Variants in SP110 observed in about 807,000 individuals in gnomAD.
SP110 encodes the protein interferon-induced protein 41, 30kD.
SP110 carries 62 observed loss-of-function variants against 92.7 expected under a neutral mutation model. That is an observed-to-expected ratio of 0.67 (90% CI 0.55 to 0.83). The LOEUF is 0.83. Among genes scored for constraint, SP110 ranks in the 40% least tolerant of loss-of-function variants. The pLI is 0.00. For missense variants in SP110, 793 were observed against 863.9 expected, an observed-to-expected ratio of 0.92 and a Z score of 1.03; for synonymous variants, 273 against 305.3, an observed-to-expected ratio of 0.89 and a Z score of 1.10.
rs775861638 is a variant in SP110, at chr2:230,200,878, G to A, written c.1129+7C>T. On this transcript the variant is annotated splice_region_variant and intron_variant, in intron 10 of 18. Transcript: ENST00000258381. Reference sequence around the variant, plus strand: ...GTACTCTGAGACCAGCAATCTCCAAGTTTTACCTTGTGTGACCCTTCGTGG... The same window carrying A: ...GTACTCTGAGACCAGCAATCTCCAAATTTTACCTTGTGTGACCCTTCGTGG... 2.2e-5 allele frequency: 35 copies of A among 1,606,366 alleles called. No individual in the cohort carries two copies. In the South Asian group the frequency reaches 3.4e-4, roughly 16 times the overall value.
chr2:230,172,820 G>T, intron 15 of SP110, 24 bp downstream of exon 15: 1 of 1,487,916 alleles, frequency 6.7e-7, no homozygotes, highest in Non-Finnish European at 9.4e-7. Context: ...CTGTGTGCCC[G>T]AGGCGGGGCT....
At chr2:230,176,428 A>G in intron 14 of SP110, 1 of 1,382,452 alleles carries the variant, frequency 7.2e-7, no homozygotes. Context: ...TTTGGTTTAT[A>G]GCCATCCAAA....
At position 230,170,710 on chromosome 2, in the gene SP110, T is replaced by C. The variant is rs752004065; in HGVS notation, c.1939A>G (p.Lys647Glu). 9 of 1,614,112 alleles carry C rather than the reference T, an allele frequency of 5.6e-6. No individual in the cohort carries two copies. The Admixed American group carries it at 1.5e-4, about 27-fold the overall frequency. ...TACATTTCCGTAATCAGCCTTTCCT[T>C]AACCAGGTCCAACCACATTGCTTCC... ...FQEAMWLDLV[K>E]ERLITEMYTV... The change falls in exon 18 of 19, where the codon AAG becomes GAG. Residue 647 changes from lysine (K) to glutamate (E), a missense_variant. Coordinates refer to ENST00000258381, the MANE Select transcript of SP110 (RefSeq NM_080424.4).
chr2:230,187,236 C>T (rs1353878726), intron 10 of SP110, among the ~76,000 whole-genome samples: 1 of 152,116 alleles, frequency 6.6e-6, no homozygotes, highest in African/African-American at 2.4e-5. Context: ...TTTTAATCTT[C>T]ATTTCCCTGA....
At chr2:230,193,501 C>A (rs7592927) in intron 10 of SP110, among the ~76,000 whole-genome samples, 1 of 152,072 alleles carries the variant, frequency 6.6e-6, no homozygotes. Flanking sequence ...ATCAATCTTT[C>A]GTTTCAAGAG....
At chr2:230,196,186 C>T (rs1330913671) in intron 10 of SP110, among the ~76,000 whole-genome samples, 2 of 152,050 alleles carry the variant, frequency 1.3e-5, no homozygotes, top group Non-Finnish European at 2.9e-5. Context: ...TAGATTTTAA[C>T]CAAGTAAGCT....
In SP110 at chr2:230,166,788, G is replaced by T. The variant is rs2106331976; in HGVS notation, c.*2336C>A. 6.6e-6 allele frequency among the ~76,000 whole-genome samples: 1 copy of T among 152,312 alleles called. No homozygotes were observed. The highest frequency in any genetic ancestry group is 2.4e-5 in the African/African-American group (1 of 41,570). ...AGAAGCCTGTGGGGTAGGATGGGAT[G>T]GGATGGGAATTAGAGGTGTATCATA... On this transcript the variant is annotated 3_prime_UTR_variant, in exon 19 of 19. Transcript: ENST00000258381.
chr2:230,197,211 C>T (rs1294350932), intron 10 of SP110, among the ~76,000 whole-genome samples: 8 of 150,726 alleles, frequency 5.3e-5, no homozygotes, highest in Non-Finnish European at 1.0e-4. Context: ...CCTGTTGTTT[C>T]CTGACTTTTT....
At chr2:230,178,060 G>A (rs2041947920) in intron 13 of SP110, 97 bp downstream of exon 13, 2 of 779,464 alleles carry the variant, frequency 2.6e-6, no homozygotes, top group Admixed American at 4.0e-5. Context: ...AGCTAGCAGG[G>A]TCCATTTCCT....
At chr2:230,185,948 T>C (rs200614376) in intron 11 of SP110, 46 bp downstream of exon 11, 5 of 1,561,184 alleles carry the variant, frequency 3.2e-6, no homozygotes, top group Non-Finnish European at 4.4e-6. Flanking sequence ...CAAGAGGCCC[T>C]CCTACATTGA....
In SP110 at chr2:230,173,400, C is replaced by T. The variant is rs566634541; in HGVS notation, c.1591-441G>A. The T allele has an allele frequency of 2.5e-5, 6 of 237,436 alleles. No individual in the cohort carries two copies. In the South Asian group the frequency reaches 2.8e-4, roughly 11 times the overall value. The allele number at this position is 237,436 out of a possible 1,614,324, so 14.7% of individuals were successfully genotyped here. A position where few individuals can be genotyped will look rare whatever the true frequency, so the allele number is the denominator to read the frequency against. ...TTCCTGGTGCCTTGCCTAACTGCCC[C>T]ATGGTCGTAACATAACATGGCCCTA... On this transcript the variant is annotated intron_variant, in intron 14 of 18. Transcript: ENST00000258381.
intron 10 of SP110, among the ~76,000 whole-genome samples, chr2:230,196,773 A>G (rs1244209643): frequency 6.7e-6 from 1 of 149,436 alleles, no homozygotes; most frequent in South Asian, 2.1e-4. Flanking sequence ...ATTCCCACCT[A>G]TGAGTGAGAA....
intron 14 of SP110, among the ~76,000 whole-genome samples, chr2:230,175,986 C>G (rs2041842696): frequency 7.1e-6 from 1 of 141,614 alleles, no homozygotes; most frequent in Non-Finnish European, 1.5e-5. Flanking sequence ...CTCTGTTGCC[C>G]CAGCTGGAGT....
At chr2:230,220,660 C>A (rs897336431), upstream of SP110, among the ~76,000 whole-genome samples, 6 of 152,058 alleles carry the variant, frequency 3.9e-5, no homozygotes, top group African/African-American at 1.4e-4. Flanking sequence ...CCTTCTCATG[C>A]CCCTTTTAAA....
intron 8 of SP110, among the ~76,000 whole-genome samples, chr2:230,206,866 G>T (rs1436096985): frequency 1.3e-5 from 2 of 151,946 alleles, no homozygotes; most frequent in Non-Finnish European, 2.9e-5. Context: ...TCTAGAGGGA[G>T]AATAGAACCT....
chr2:230,192,753 A>G (rs1196369632), intron 10 of SP110, among the ~76,000 whole-genome samples: 2 of 152,178 alleles, frequency 1.3e-5, no homozygotes, highest in Non-Finnish European at 2.9e-5. Context: ...CTATAATTTC[A>G]ATTTATAAAA....
rs2043150761 is a variant in SP110 at position 230,201,180 on chromosome 2, G to A, written c.1049-215C>T. On this transcript the variant is annotated intron_variant, in intron 9 of 18. Transcript: ENST00000258381. ...GAGCAGACCGCAGTTGGTTAGCAGT[G>A]GTTACTCTACCAATGGAGACATCCA... Among the ~76,000 whole-genome samples the A allele has an allele frequency of 2.0e-5, 3 of 152,302 alleles. No individual in the cohort carries two copies. The South Asian group carries it at 6.2e-4, about 32-fold the overall frequency.
intron 10 of SP110, among the ~76,000 whole-genome samples, chr2:230,199,423 G>C (rs1001324471): frequency 2.0e-5 from 3 of 151,646 alleles, no homozygotes; most frequent in African/African-American, 7.3e-5. Flanking sequence ...TGGCCAGGCT[G>C]GTCTCGAACT....
At chr2:230,180,782 T>C (rs2042095535) in intron 12 of SP110, among the ~76,000 whole-genome samples, 1 of 152,150 alleles carries the variant, frequency 6.6e-6, no homozygotes, top group Non-Finnish European at 1.5e-5. Flanking sequence ...GAGAAGAAAC[T>C]GATGCTGAGG....
Sources: gnomAD v4.1 joint callset for allele counts (sites outside exome capture counted in the v4.1 genomes callset) on GRCh38, gnomAD v4.1.1 for gene constraint, MANE v1.5 for transcripts, NCBI Gene and HGNC (gene_info 2026-07-23, HGNC 2026-07-21) for gene names.